CSPG4: variants seen among roughly 807,000 people sequenced by gnomAD.
CSPG4 encodes chondroitin sulfate proteoglycan 4 (melanoma-associated).
In CSPG4, 74 loss-of-function variants were observed where a neutral mutation model predicts 139.3. That is an observed-to-expected ratio of 0.53 (90% CI 0.44 to 0.64). The LOEUF is 0.64. Among genes scored for constraint, CSPG4 ranks in the 30% least tolerant of loss-of-function variants. The pLI is 0.00. For missense variants in CSPG4, 2,565 were observed against 3,148.3 expected (o/e 0.81, Z 4.43); for synonymous variants, 1,234 against 1,394.2 (o/e 0.89, Z 2.56).
upstream of CSPG4, chr15:75,712,921 T>A: frequency 3.5e-6 from 2 of 565,466 alleles, no homozygotes; most frequent in Non-Finnish European, 6.0e-6. Flanking sequence ...CCGCTCGGGT[T>A]TCAGGCTTGG....
chr15:75,697,260 C>T (rs953042661), intron 1 of CSPG4, among the ~76,000 whole-genome samples: 2 of 152,190 alleles, frequency 1.3e-5, no homozygotes, highest in African/African-American at 4.8e-5. Context: ...CTGGTCTCCC[C>T]CTAGCTCTTT....
rs1894263757 is a variant in CSPG4, at chr15:75,698,872, G to C, written c.89-5639C>G. 6.6e-6 allele frequency among the ~76,000 whole-genome samples: 1 copy of C among 152,150 alleles called. No individual in the cohort carries two copies. Among genetic ancestry groups the C allele is most frequent in the African/African-American group, 2.4e-5 (1 of 41,452 alleles). ...GGGTAGGTTACAGGGGAGACTTAAG[G>C]TCAGACTAAGGGGAGCGACCTGCCC... On this transcript the variant is annotated intron_variant, in intron 1 of 9. Coordinates refer to ENST00000308508, the MANE Select transcript of CSPG4 (RefSeq NM_001897.5). This position sits in a 1 kb window ranked among gnomAD's most constrained non-coding sequence, Gnocchi z 4.3.
Position 75,687,994 on chromosome 15 carries a change from C to G in CSPG4, c.3071G>C (p.Ser1024Thr). Residue 1024 changes from serine (S) to threonine (T), a missense_variant, in exon 3 of 10, where the codon AGC becomes ACC. This residue lies in a region of CSPG4 where 2,316 missense variants were observed against 2,818.2 expected (regional missense o/e 0.82). Transcript: ENST00000308508. The surrounding 1 kb of genome is among the most constrained non-coding windows in gnomAD (Gnocchi z 5.4). ...ACCCCGGGCCACATGGAAGATCCGG[C>G]TGATGGTCTGCACAGGGGCGTGGTC... ...VNDHAPVQTISRIFHVARGGR... is the reference protein window; with the variant it reads ...VNDHAPVQTITRIFHVARGGR... 1.9e-6 allele frequency: 3 copies of G among 1,612,396 alleles called. No homozygotes were observed. The highest frequency in any genetic ancestry group is 2.2e-5 in the East Asian group (1 of 44,880).
intron 3 of CSPG4, 27 bp from the exon 4 acceptor site, chr15:75,685,728 A>G (rs766401584): frequency 1.3e-6 from 2 of 1,559,108 alleles, no homozygotes; most frequent in African/African-American, 2.7e-5. Flanking sequence ...ACAAGGACTC[A>G]CAGGGGGCCA....
chr15:75,697,173 T>G lies in CSPG4; in HGVS notation c.89-3940A>C, dbSNP rs574996778. 2.1e-4 allele frequency among the ~76,000 whole-genome samples: 32 copies of G among 152,174 alleles called. 1 individual carries two copies. The highest frequency in any genetic ancestry group is 7.7e-4 in the African/African-American group (32 of 41,450). ...TGTTCCTTCTGAGTCCTCAGAAGGCTGCCTGTGTCCCTGTATCTGCCCCAT... is the reference window on the plus strand; with the variant it reads ...TGTTCCTTCTGAGTCCTCAGAAGGCGGCCTGTGTCCCTGTATCTGCCCCAT... On this transcript the variant is annotated intron_variant, in intron 1 of 9. Coordinates refer to ENST00000308508, the MANE Select transcript of CSPG4 (RefSeq NM_001897.5).
chr15:75,683,655 G>A (rs528700160), intron 5 of CSPG4, among the ~76,000 whole-genome samples: 14 of 152,254 alleles, frequency 9.2e-5, no homozygotes, highest in African/African-American at 3.1e-4. Flanking sequence ...CCTTTTTCAG[G>A]CCTCCCACTT....
chr15:75,688,013 C>T lies in CSPG4; in HGVS notation c.3052G>A (p.Ala1018Thr), dbSNP rs746270239. 7 of 1,611,808 alleles carry T rather than the reference C, an allele frequency of 4.3e-6. No homozygotes were observed. Among genetic ancestry groups the T allele is most frequent in the Admixed American group, 1.7e-5 (1 of 59,960 alleles). Reference sequence around the variant, plus strand: ...ATCCGGCTGATGGTCTGCACAGGGGCGTGGTCATTCACGGGCTGGATGGCC... The same window carrying T: ...ATCCGGCTGATGGTCTGCACAGGGGTGTGGTCATTCACGGGCTGGATGGCC... ...RVAIQPVNDHAPVQTISRIFH... is the reference protein window; with the variant it reads ...RVAIQPVNDHTPVQTISRIFH... The change falls in exon 3 of 10, where the codon GCC (alanine) becomes ACC (threonine). Residue 1018 changes from alanine (A) to threonine (T), a missense_variant. Physicochemically the swap from Ala to Thr is moderately conservative, Grantham distance 58 (BLOSUM62 0). Transcript: ENST00000308508.
chr15:75,692,764 A>C (rs1894181498), intron 2 of CSPG4, among the ~76,000 whole-genome samples: 1 of 152,224 alleles, frequency 6.6e-6, no homozygotes, highest in East Asian at 1.9e-4. Flanking sequence ...AGGAGTGTGC[A>C]TCAAGAGCCT....
chr15:75,682,727 C>T lies in CSPG4; in HGVS notation c.4663G>A (p.Gly1555Ser). 1 of 1,612,948 alleles carries T rather than the reference C, an allele frequency of 6.2e-7. No homozygotes were observed. Among genetic ancestry groups the T allele is most frequent in the South Asian group, 1.1e-5 (1 of 91,088 alleles). ...LFSHRGTLDG[G>S]FRFRLSDGEH... is the part of the protein sequence containing the mutation. ...CCGTCAGAGAGGCGGAAGCGGAAGC[C>T]TCCATCCAGGGTTCCTGGGGACAGG... Residue 1555 changes from glycine to serine, a missense_variant, in exon 7 of 10, where the codon GGC becomes AGC. Transcript: ENST00000308508.
intron 1 of CSPG4, among the ~76,000 whole-genome samples, chr15:75,708,644 GGTGA>G (rs1894404564): frequency 6.6e-6 from 1 of 152,196 alleles, no homozygotes; most frequent in African/African-American, 2.4e-5. Context: ...CTGCTGTTGG[GGTGA>G]GTGAGAACAC....
In CSPG4 at chr15:75,683,392, T is replaced by G. The variant is rs540129330; in HGVS notation, c.4450-351A>C. ...AGAAACCCCCAGCGCTGACCAACAGTGCTCCCTAATCTGTCTCACTGGTGG... is the reference window on the plus strand; with the variant it reads ...AGAAACCCCCAGCGCTGACCAACAGGGCTCCCTAATCTGTCTCACTGGTGG... On this transcript the variant is annotated intron_variant, in intron 5 of 9. Transcript: ENST00000308508. 1.2e-4 allele frequency among the ~76,000 whole-genome samples: 19 copies of G among 152,218 alleles called. No homozygotes were observed. In the South Asian group the frequency reaches 3.7e-3, roughly 30 times the overall value.
chr15:75,685,654 C>G lies in CSPG4; in HGVS notation c.3837G>C (p.Lys1279Asn). 6.2e-7 allele frequency: 1 copy of G among 1,607,256 alleles called. No individual in the cohort carries two copies. The highest frequency in any genetic ancestry group is 8.5e-7 in the Non-Finnish European group (1 of 1,179,638). Reference sequence around the variant, plus strand: ...CCAGGTAGCCGGCACTCGGTGGGCTCTTCACTGAGAATACGATGTCTGCAG... The same window carrying G: ...CCAGGTAGCCGGCACTCGGTGGGCTGTTCACTGAGAATACGATGTCTGCAG... ...VPPADIVFSV[K>N]SPPSAGYLVM... The change falls in exon 4 of 10, where the codon AAG becomes AAC. Residue 1279 changes from lysine (K) to asparagine (N), a missense_variant. Lys to Asn is a moderately conservative substitution (Grantham distance 94). Transcript: ENST00000308508.
chr15:75,683,085 C>T, intron 5 of CSPG4, 44 bp from the exon 6 acceptor site: 1 of 1,569,302 alleles, frequency 6.4e-7, no homozygotes, highest in Non-Finnish European at 8.6e-7. Context: ...CCGCACTCAC[C>T]CACCCCTTCC....
chr15:75,681,183 T>C (rs1157519888), intron 8 of CSPG4, among the ~76,000 whole-genome samples: 1 of 152,198 alleles, frequency 6.6e-6, no homozygotes, highest in Non-Finnish European at 1.5e-5. Flanking sequence ...AACCTGGGAC[T>C]GGGAGGTGTT....
In CSPG4 at chr15:75,712,711, G is replaced by T. The variant is rs1278296370; in HGVS notation, c.45C>A (p.Ala15=). The T allele has an allele frequency of 1.1e-5, 17 of 1,563,654 alleles. No individual in the cohort carries two copies. The highest frequency in any genetic ancestry group is 1.5e-5 in the Non-Finnish European group (17 of 1,154,738). ...CCAACATAGTCAGGGTCAAAGCCAA[G>T]GCCAGGCCGGGGGCTGGAAGTGGGG... is the stretch of plus-strand genomic sequence containing the variant. ...PRPPLPAPGL[A]LALTLTMLAR... The change falls in exon 1 of 10, where the codon GCC becomes GCA. Residue 15 remains alanine (A), a synonymous_variant. Coordinates refer to ENST00000308508, the MANE Select transcript of CSPG4 (RefSeq NM_001897.5).
Position 75,690,463 on chromosome 15 carries a change from T to A in CSPG4, c.602A>T (p.Asp201Val). 6.2e-7 allele frequency: 1 copy of A among 1,607,190 alleles called. No homozygotes were observed. Among genetic ancestry groups the A allele is most frequent in the Non-Finnish European group, 8.5e-7 (1 of 1,177,104 alleles). Reference protein sequence around the residue: ...GCAEEFSASDDVALGFSGPHS... With the variant: ...GCAEEFSASDVVALGFSGPHS... ...GGGCCCAGAGAAGCCCAGGGCCACA[T>A]CATCACTGGCAGAAAACTCTTCAGC... is the stretch of plus-strand genomic sequence containing the variant. Residue 201 changes from aspartate to valine, a missense_variant, in exon 3 of 10, where the codon GAT (aspartate) becomes GTT (valine). Physicochemically the swap from Asp to Val is radical, Grantham distance 152. Coordinates refer to ENST00000308508, the MANE Select transcript of CSPG4 (RefSeq NM_001897.5).
intron 1 of CSPG4, among the ~76,000 whole-genome samples, chr15:75,709,819 C>T (rs866628008): frequency 6.6e-6 from 1 of 152,130 alleles, no homozygotes; most frequent in Non-Finnish European, 1.5e-5. Flanking sequence ...CCCAGGCGGG[C>T]AGCACTAAAA....
chr15:75,702,480 A>T (rs144306189), intron 1 of CSPG4, among the ~76,000 whole-genome samples: 2,597 of 152,368 alleles, frequency 0.017, 61 homozygotes, highest in East Asian at 0.093. Context: ...CCTTGGGGAC[A>T]AGACTGACCT....
chr15:75,689,236 C>A lies in CSPG4; in HGVS notation c.1829G>T (p.Gly610Val), dbSNP rs1448334670. ...GLPVERRDQP[G>V]EPATEFSCRE... ...GCAGGAGAACTCGGTCGCCGGCTCC[C>A]CAGGCTGGTCTCGGCGCTCCACGGG... is the stretch of plus-strand genomic sequence containing the variant. The change falls in exon 3 of 10, where the codon GGG (glycine) becomes GTG (valine). Residue 610 changes from glycine (G) to valine (V), a missense_variant. Gly to Val is a moderately radical substitution (Grantham distance 109). Around this residue, in one of 5 missense-constraint regions of CSPG4, gnomAD observed 2,316 missense variants for 2,818.2 expected, o/e 0.82. Coordinates refer to ENST00000308508, the MANE Select transcript of CSPG4 (RefSeq NM_001897.5). 6.2e-7 allele frequency: 1 copy of A among 1,610,180 alleles called. No homozygotes were observed. The highest frequency in any genetic ancestry group is 1.3e-5 in the African/African-American group (1 of 74,872).
Sources: gnomAD v4.1 joint callset for allele counts (sites outside exome capture counted in the v4.1 genomes callset) on GRCh38, gnomAD v4.1.1 for gene constraint, gnomAD v4.1.1 regional missense constraint, Gnocchi (gnomAD v3.1) non-coding constraint, MANE v1.5 for transcripts, NCBI Gene and HGNC (gene_info 2026-07-23, HGNC 2026-07-21) for gene names.